The following ATP10B variants were observed in gnomAD, a reference collection of about 807,000 sequenced individuals.
ATP10B encodes the protein phospholipid-transporting ATPase VB.
ATP10B carries 122 observed loss-of-function variants against 141.2 expected under a neutral mutation model. The ratio of observed to expected loss-of-function variants is 0.86; its 90% CI spans 0.75 to 1.00. ATP10B has a LOEUF of 1.00. ATP10B is among the 50% of genes least tolerant of loss of function. The probability of loss-of-function intolerance (pLI) is 0.00; values close to 1 mark genes in which losing one functional copy is unlikely to be tolerated. For missense variants in ATP10B, 1,876 were observed against 1,825.3 expected, an observed-to-expected ratio of 1.03 and a Z score of -0.51; for synonymous variants, 685 against 692.0, an observed-to-expected ratio of 0.99 and a Z score of 0.16.
At chr5:160,735,932 C>A (rs1244548287) in intron 2 of ATP10B, among the ~76,000 whole-genome samples, 2 of 151,976 alleles carry the variant, frequency 1.3e-5, no homozygotes, top group African/African-American at 2.4e-5. Context: ...AAAAAAAATT[C>A]TTGAAACAAA....
intron 7 of ATP10B, among the ~76,000 whole-genome samples, chr5:160,655,112 A>G (rs1422249497): frequency 1.3e-5 from 2 of 152,190 alleles, no homozygotes; most frequent in East Asian, 3.8e-4. Context: ...GAATGAATAC[A>G]TTCTCTAATT....
chr5:160,792,839 T>C (rs1340271833), intron 1 of ATP10B, among the ~76,000 whole-genome samples: 1 of 152,176 alleles, frequency 6.6e-6, no homozygotes, highest in East Asian at 1.9e-4. Context: ...TGGCTTCCTT[T>C]CTACCTGTCC....
chr5:160,588,968 G>A (rs1354317644), intron 24 of ATP10B, among the ~76,000 whole-genome samples: 6 of 152,154 alleles, frequency 3.9e-5, no homozygotes, highest in Non-Finnish European at 7.3e-5. Context: ...CCTCAGGTAT[G>A]TATGGTCAGT....
intron 1 of ATP10B, among the ~76,000 whole-genome samples, chr5:160,850,704 A>T (rs1753749199): frequency 6.6e-6 from 1 of 152,156 alleles, no homozygotes. Flanking sequence ...AAAAGTCAGC[A>T]TGTGGGTTTC....
intron 1 of ATP10B, among the ~76,000 whole-genome samples, chr5:160,797,682 T>C (rs1772046814): frequency 6.6e-6 from 1 of 152,192 alleles, no homozygotes; most frequent in Non-Finnish European, 1.5e-5. Flanking sequence ...GGGAACAAAC[T>C]AGTGGAACTG....
At chr5:160,780,167 A>G (rs1430513327) in intron 2 of ATP10B, among the ~76,000 whole-genome samples, 1 of 152,172 alleles carries the variant, frequency 6.6e-6, no homozygotes, top group Non-Finnish European at 1.5e-5. Context: ...CATTTCAAGA[A>G]TAGATTTTCC....
At chr5:160,807,736 C>T (rs1254449335) in intron 1 of ATP10B, among the ~76,000 whole-genome samples, 1 of 152,140 alleles carries the variant, frequency 6.6e-6, no homozygotes, top group Non-Finnish European at 1.5e-5. Flanking sequence ...ATATAATATT[C>T]TAGATGAATT....
At chr5:160,747,645 C>G (rs370861609) in intron 2 of ATP10B, among the ~76,000 whole-genome samples, 1 of 152,184 alleles carries the variant, frequency 6.6e-6, no homozygotes, top group East Asian at 1.9e-4. Context: ...TGGAAGGATC[C>G]CCACTTAGAG....
At chr5:160,874,245 T>A in the ATP10B span, among the ~76,000 whole-genome samples, 1 of 113,304 alleles carries the variant, frequency 8.8e-6, no homozygotes, top group African/African-American at 2.9e-5. Context: ...CTGAGCAGGC[T>A]AACTGGGAGG....
At chr5:160,609,661 A>T (rs989052936) in intron 18 of ATP10B, among the ~76,000 whole-genome samples, 8 of 152,224 alleles carry the variant, frequency 5.3e-5, no homozygotes, top group African/African-American at 1.7e-4. Flanking sequence ...TACAGGCGTG[A>T]GTCACTGCAC....
At chr5:160,691,977 T>C (rs1441053678) in intron 3 of ATP10B, 1 of 152,206 alleles carries the variant, frequency 6.6e-6, no homozygotes, top group African/African-American at 2.4e-5. Flanking sequence ...GAAAAGGAAA[T>C]GAAAAGATAA....
chr5:160,638,646 C>T (rs1370182252), intron 10 of ATP10B, among the ~76,000 whole-genome samples: 1 of 152,200 alleles, frequency 6.6e-6, no homozygotes, highest in Admixed American at 6.5e-5. Context: ...CACACAAAGT[C>T]TCTCTGAGCC....
intron 2 of ATP10B, among the ~76,000 whole-genome samples, chr5:160,725,173 T>C (rs1367165058): frequency 6.6e-6 from 1 of 152,186 alleles, no homozygotes; most frequent in African/African-American, 2.4e-5. Flanking sequence ...AAAGAATGAC[T>C]GCAAAATAGA....
chr5:160,677,306 G>A (rs544535226), intron 6 of ATP10B, among the ~76,000 whole-genome samples: 1 of 152,316 alleles, frequency 6.6e-6, no homozygotes, highest in African/African-American at 2.4e-5. Context: ...GGCAGTGGGA[G>A]TAGCATGGGC....
chr5:160,832,017 G>C lies in ATP10B; in HGVS notation c.-576+19924C>G, dbSNP rs79466429. Among the ~76,000 whole-genome samples the C allele has an allele frequency of 6.0e-3, 916 of 152,172 alleles. 13 individuals carry two copies. Among genetic ancestry groups the C allele is most frequent in the African/African-American group, 0.021 (872 of 41,552 alleles). On this transcript the variant is annotated intron_variant, in intron 1 of 25. Coordinates refer to ENST00000327245, the MANE Select transcript of ATP10B (RefSeq NM_025153.3). The stretch of plus-strand genomic sequence containing the variant: ...ATAATGGGAGCTGTGTTCCACAAAA[G>C]CCAGTTTGCTTCTCTGGTCTTAGGC...
intron 1 of ATP10B, among the ~76,000 whole-genome samples, chr5:160,786,245 A>T (rs1771137576): frequency 6.6e-6 from 1 of 152,190 alleles, no homozygotes; most frequent in Admixed American, 6.5e-5. Context: ...GGAGACCCAG[A>T]GCTGCTGGAA....
intron 2 of ATP10B, among the ~76,000 whole-genome samples, chr5:160,758,916 C>CT (rs1768832055): frequency 6.6e-6 from 1 of 152,188 alleles, no homozygotes; most frequent in African/African-American, 2.4e-5. Context: ...ACTGTCCATC[C>CT]TTTTTCACTG....
intron 6 of ATP10B, among the ~76,000 whole-genome samples, chr5:160,673,683 T>C (rs984568396): frequency 3.9e-5 from 6 of 152,096 alleles, no homozygotes; most frequent in African/African-American, 1.4e-4. Flanking sequence ...CATTTTGTTG[T>C]TTATTTATAT....
In ATP10B at chr5:160,747,566, G is replaced by A. The variant is rs564744813; in HGVS notation, c.-330-30532C>T. On this transcript the variant is annotated intron_variant, in intron 2 of 25. Transcript: ENST00000327245. ...GCAGAAGGGTGGCCAGGGGAAGACA[G>A]AGGATAGATTGGAGAGAGGCTACCA... Among the ~76,000 whole-genome samples, 3 of 152,308 alleles carry A rather than the reference G, an allele frequency of 2.0e-5. No individual in the cohort carries two copies. In the South Asian group the frequency reaches 6.2e-4, roughly 32 times the overall value.
Sources: allele counts gnomAD v4.1 joint callset (sites outside exome capture counted in the v4.1 genomes callset), GRCh38; gene constraint gnomAD v4.1.1; transcripts MANE v1.5; gene names NCBI Gene and HGNC (gene_info 2026-07-23, HGNC 2026-07-21).